The following NBEA variants were observed in gnomAD, a reference collection of about 807,000 sequenced individuals.
The protein encoded by NBEA is neurobeachin.
A neutral mutation model predicts 343.4 loss-of-function variants in NBEA; 44 were observed. The observed-to-expected ratio is 0.13, with a 90% CI of 0.10 to 0.16. The LOEUF (loss-of-function observed/expected upper bound fraction) is 0.16, where lower values mean the gene tolerates loss of function less well. Ranked by LOEUF, NBEA falls within the 10% of genes least tolerant of loss-of-function variation. The probability of loss-of-function intolerance (pLI) is 1.00; values close to 1 mark genes in which losing one functional copy is unlikely to be tolerated. For missense variants in NBEA, 2,555 were observed against 3,631.3 expected (o/e 0.70, Z 7.62); for synonymous variants, 1,175 against 1,238.7 (o/e 0.95, Z 1.08).
chr13:35,552,105 A>G (rs949646378), intron 43 of NBEA, among the ~76,000 whole-genome samples: 1 of 152,242 alleles, frequency 6.6e-6, no homozygotes, highest in East Asian at 1.9e-4. Flanking sequence ...AGATACAACA[A>G]TGTCTACCAC....
At chr13:35,017,372 G>T (rs2061693049) in intron 1 of NBEA, among the ~76,000 whole-genome samples, 1 of 152,138 alleles carries the variant, frequency 6.6e-6, no homozygotes. Context: ...TTTAGTGCCT[G>T]TTATAAGAAA....
At chr13:35,200,223 A>C (rs1464433592) in intron 31 of NBEA, among the ~76,000 whole-genome samples, 1 of 151,956 alleles carries the variant, frequency 6.6e-6, no homozygotes, top group Non-Finnish European at 1.5e-5. Context: ...ATGGTTTATA[A>C]AATGTTTTAA....
At chr13:35,542,513 G>A (rs1421337090) in intron 41 of NBEA, among the ~76,000 whole-genome samples, 1 of 152,072 alleles carries the variant, frequency 6.6e-6, no homozygotes, top group African/African-American at 2.4e-5. Flanking sequence ...TTTGATGATA[G>A]TATTCATTAT....
chr13:35,491,572 C>A (rs1281006574), intron 41 of NBEA, among the ~76,000 whole-genome samples: 2 of 151,842 alleles, frequency 1.3e-5, no homozygotes, highest in East Asian at 3.9e-4. Flanking sequence ...TACCCAATAT[C>A]CAGAGTGTCA....
intron 32 of NBEA, among the ~76,000 whole-genome samples, chr13:35,209,146 T>A (rs188293221): frequency 1.3e-5 from 2 of 152,212 alleles, no homozygotes; most frequent in East Asian, 3.9e-4. Flanking sequence ...AAGCAAAGGA[T>A]AATTTGAACA....
chr13:35,503,692 T>C (rs2076973094), intron 41 of NBEA, among the ~76,000 whole-genome samples: 1 of 152,068 alleles, frequency 6.6e-6, no homozygotes, highest in African/African-American at 2.4e-5. Context: ...TCTATACAAA[T>C]TGCTTCCAAA....
chr13:35,400,782 G>A (rs1471737452), intron 38 of NBEA, among the ~76,000 whole-genome samples: 1 of 151,942 alleles, frequency 6.6e-6, no homozygotes, highest in Non-Finnish European at 1.5e-5. Context: ...ACAATCTCAA[G>A]CAAAATTCAT....
intron 49 of NBEA, among the ~76,000 whole-genome samples, chr13:35,635,250 T>C (rs1171563334): frequency 1.3e-5 from 2 of 152,172 alleles, no homozygotes; most frequent in Admixed American, 6.5e-5. Flanking sequence ...TTCTCTTTGA[T>C]ATGACAAGGA....
chr13:35,133,012 A>G (rs2067508878), intron 17 of NBEA, among the ~76,000 whole-genome samples: 1 of 152,204 alleles, frequency 6.6e-6, no homozygotes, highest in Non-Finnish European at 1.5e-5. Flanking sequence ...CATACAGCAA[A>G]AAGATAAATT....
intron 39 of NBEA, among the ~76,000 whole-genome samples, chr13:35,443,290 T>G (rs1274071384): frequency 1.3e-5 from 2 of 152,186 alleles, no homozygotes; most frequent in East Asian, 3.9e-4. Context: ...ACTCTGACTT[T>G]TATGTAATAT....
intron 10 of NBEA, among the ~76,000 whole-genome samples, chr13:35,079,231 A>G (rs2064261911): frequency 6.6e-6 from 1 of 152,158 alleles, no homozygotes; most frequent in Non-Finnish European, 1.5e-5. Context: ...GGTGTGGGGG[A>G]AAAAACAAAG....
chr13:34,974,024 C>T (rs2060085404), intron 1 of NBEA, among the ~76,000 whole-genome samples: 1 of 152,126 alleles, frequency 6.6e-6, no homozygotes, highest in African/African-American at 2.4e-5. Flanking sequence ...AGGGATCTCT[C>T]CTGACCTGAG....
In NBEA at chr13:35,105,935, T is replaced by C. The variant is rs1473116022; in HGVS notation, c.1681-3355T>C. 2.6e-5 allele frequency among the ~76,000 whole-genome samples: 4 copies of C among 152,112 alleles called. No individual in the cohort carries two copies. In the East Asian group the frequency reaches 7.7e-4, roughly 29 times the overall value. On this transcript the variant is annotated intron_variant, in intron 11 of 58. Transcript: ENST00000379939. ...ACATTTCTGATAACCTGTTCTATTATGGGCTAATCTAAATGTTGGAACAAT... is the reference window on the plus strand; with the variant it reads ...ACATTTCTGATAACCTGTTCTATTACGGGCTAATCTAAATGTTGGAACAAT...
chr13:35,230,371 G>A (rs1320774325), intron 33 of NBEA, among the ~76,000 whole-genome samples: 1 of 152,010 alleles, frequency 6.6e-6, no homozygotes. Flanking sequence ...GATAAAAAAT[G>A]TTCCTGGCTT....
chr13:35,401,309 G>A (rs953724907), intron 38 of NBEA, among the ~76,000 whole-genome samples: 5 of 151,868 alleles, frequency 3.3e-5, no homozygotes, highest in African/African-American at 1.2e-4. Flanking sequence ...CTGAGCTAAC[G>A]TGCTTAACAT....
intron 34 of NBEA, chr13:35,251,739 A>G (rs2152788354): frequency 4.1e-6 from 1 of 246,270 alleles, no homozygotes; most frequent in East Asian, 1.4e-4. Flanking sequence ...ATGGAGCTGT[A>G]CATGCTCAAA....
chr13:35,210,925 GATTA>G (rs1274443131), intron 32 of NBEA, 124 bp from the exon 33 acceptor site: 31 of 916,524 alleles, frequency 3.4e-5, no homozygotes, highest in Non-Finnish European at 4.3e-5. Context: ...ATGGCCAAAT[GATTA>G]ATTGTCAAAT....
chr13:35,095,274 A>T (rs1367874353), intron 10 of NBEA, among the ~76,000 whole-genome samples: 1 of 151,102 alleles, frequency 6.6e-6, no homozygotes, highest in East Asian at 1.9e-4. Context: ...TTACAGTAAA[A>T]TAAGTCAAAA....
intron 28 of NBEA, among the ~76,000 whole-genome samples, chr13:35,180,610 A>T (rs1316414005): frequency 6.6e-6 from 1 of 151,672 alleles, no homozygotes; most frequent in Non-Finnish European, 1.5e-5. Context: ...AGGAGCGTGA[A>T]ATATTGGCAG....
Sources: gnomAD v4.1 joint callset for allele counts (sites outside exome capture counted in the v4.1 genomes callset) on GRCh38, gnomAD v4.1.1 for gene constraint, MANE v1.5 for transcripts, NCBI Gene and HGNC (gene_info 2026-07-23, HGNC 2026-07-21) for gene names.